LRRFIP1: variants seen among roughly 807,000 people sequenced by gnomAD.
LRRFIP1 encodes LRR binding FLII interacting protein 1, also known as leucine-rich repeat flightless-interacting protein 1.
Under a neutral mutation model 104.4 loss-of-function variants are expected in LRRFIP1, and 62 were observed. The observed-to-expected ratio is 0.59, with a 90% CI of 0.48 to 0.73. The LOEUF (loss-of-function observed/expected upper bound fraction) is 0.73, where lower values mean the gene tolerates loss of function less well. LRRFIP1 is among the 30% of genes least tolerant of loss of function. The pLI, the probability that LRRFIP1 is intolerant of heterozygous loss-of-function variation, is 0.00. For synonymous variants in LRRFIP1, 300 were observed against 299.0 expected, an observed-to-expected ratio of 1.00 and a Z score of -0.03; for missense variants, 796 against 824.5, an observed-to-expected ratio of 0.97 and a Z score of 0.42.
At chr2:237,765,700 A>AT (rs1553709280) in intron 19 of LRRFIP1, 17 of 938,218 alleles carry the variant, frequency 1.8e-5, no homozygotes, top group Non-Finnish European at 2.2e-5. Context: ...ATATAAAAAA[A>AT]TTTTTTAAAA....
At chr2:237,657,896 G>A (rs1354025030) in intron 1 of LRRFIP1, among the ~76,000 whole-genome samples, 2 of 152,148 alleles carry the variant, frequency 1.3e-5, no homozygotes, top group Non-Finnish European at 1.5e-5. Flanking sequence ...TAAATTAGAA[G>A]CTCGGTGATA....
chr2:237,757,145 T>C (rs2059354185), intron 16 of LRRFIP1, among the ~76,000 whole-genome samples: 2 of 152,234 alleles, frequency 1.3e-5, no homozygotes, highest in Admixed American at 6.5e-5. Context: ...CTGCTGAATT[T>C]ATGACGATTC....
chr2:237,628,299 A>T (rs921118242), intron 1 of LRRFIP1, among the ~76,000 whole-genome samples: 1 of 152,244 alleles, frequency 6.6e-6, no homozygotes, highest in African/African-American at 2.4e-5. Context: ...CTGAGCCTGG[A>T]AACGGGTCCA....
Position 237,714,345 on chromosome 2 carries a change from T to G in LRRFIP1, c.201+69T>G, listed in dbSNP as rs1363380309. On this transcript the variant is annotated intron_variant, in intron 3 of 23. Transcript: ENST00000308482. ...TTTCCTTGCCAAGGGCCTGGTCACC[T>G]TTCAGAAATAACACCTTGCACTGAA... 1.0e-5 allele frequency: 13 copies of G among 1,275,294 alleles called. No individual in the cohort carries two copies. The East Asian group carries it at 3.0e-4, about 30-fold the overall frequency. 79.0% of individuals were successfully genotyped at this position (1,275,294 alleles called of 1,614,324 possible).
At chr2:237,778,023 T>G (rs183648980) in intron 23 of LRRFIP1, among the ~76,000 whole-genome samples, 1 of 152,324 alleles carries the variant, frequency 6.6e-6, no homozygotes, top group East Asian at 1.9e-4. Flanking sequence ...GTATTCTTAT[T>G]CTTTAAATAT....
intron 1 of LRRFIP1, among the ~76,000 whole-genome samples, chr2:237,682,556 C>T (rs1241689520): frequency 1.3e-5 from 2 of 152,220 alleles, no homozygotes; most frequent in African/African-American, 4.8e-5. Context: ...TGGATTGGGC[C>T]TTCCCAGAGG....
At position 237,735,426 on chromosome 2, in the gene LRRFIP1, G is replaced by A; in HGVS notation, c.555+93G>A. 1 of 1,222,226 alleles carries A rather than the reference G, an allele frequency of 8.2e-7. No homozygotes were observed. Among genetic ancestry groups the A allele is most frequent in the Non-Finnish European group, 1.1e-6 (1 of 887,260 alleles). 75.7% of individuals were successfully genotyped at this position (1,222,226 alleles called of 1,614,324 possible). On this transcript the variant is annotated intron_variant, in intron 10 of 23. Transcript: ENST00000308482. The surrounding 1 kb of genome is among the most constrained non-coding windows in gnomAD (Gnocchi z 4.6). ...CAGGGTCCAGCCGTGGGGGGTGACT[G>A]GCCATTCTCAGGAGGAAGCGCCGAG...
intron 1 of LRRFIP1, among the ~76,000 whole-genome samples, chr2:237,665,388 G>T (rs560063688): frequency 6.6e-6 from 1 of 152,168 alleles, no homozygotes; most frequent in Non-Finnish European, 1.5e-5. Context: ...TGTGAAACAG[G>T]TATCTCAATT....
chr2:237,773,089 T>C, intron 22 of LRRFIP1, 144 bp downstream of exon 22: 1 of 643,836 alleles, frequency 1.6e-6, no homozygotes, highest in Non-Finnish European at 2.7e-6. Context: ...AGACAGCAAG[T>C]CTTTCCATCC....
At position 237,751,222 on chromosome 2, in the gene LRRFIP1, A is replaced by G. The variant is rs772251056; in HGVS notation, c.818A>G (p.Gln273Arg). 6.2e-7 allele frequency: 1 copy of G among 1,610,450 alleles called. No individual in the cohort carries two copies. The highest frequency in any genetic ancestry group is 1.7e-5 in the Admixed American group (1 of 59,676). The change falls in exon 14 of 24, where the codon CAG (glutamine) becomes CGG (arginine). Residue 273 changes from glutamine (Q) to arginine (R), a missense_variant. Physicochemically the swap from Gln to Arg is conservative, Grantham distance 43 (BLOSUM62 1). Transcript: ENST00000308482. ...CAGGAACTCAATGAGTTAAAGGACC[A>G]GATTCAGGATGTAGAAGGCAAATAC... is the stretch of plus-strand genomic sequence containing the variant. The part of the protein sequence containing the change: ...EIKELNELKD[Q>R]IQDVEGKYMQ...
chr2:237,682,187 G>C (rs2091916013), intron 1 of LRRFIP1, among the ~76,000 whole-genome samples: 1 of 152,156 alleles, frequency 6.6e-6, no homozygotes. Context: ...AGAGCCCCTT[G>C]TTTTGCGGGA....
At chr2:237,641,188 C>T (rs2083902736) in intron 1 of LRRFIP1, among the ~76,000 whole-genome samples, 1 of 148,072 alleles carries the variant, frequency 6.8e-6, no homozygotes, top group African/African-American at 2.5e-5. Flanking sequence ...ACAGCCTGGG[C>T]AACATAACAA....
chr2:237,739,119 A>C, intron 10 of LRRFIP1, 113 bp from the exon 11 acceptor site: 1 of 878,816 alleles, frequency 1.1e-6, no homozygotes, highest in Non-Finnish European at 1.8e-6. Flanking sequence ...GTGCGTGGCT[A>C]ACCTCACCAC....
intron 1 of LRRFIP1, among the ~76,000 whole-genome samples, chr2:237,646,542 C>G (rs980701327): frequency 6.6e-6 from 1 of 151,982 alleles, no homozygotes; most frequent in Non-Finnish European, 1.5e-5. Flanking sequence ...TTTGCCCCCA[C>G]AAGCCCGCAT....
At chr2:237,720,911 A>G (rs1363983479) in intron 6 of LRRFIP1, 89 bp downstream of exon 6, 5 of 1,171,294 alleles carry the variant, frequency 4.3e-6, no homozygotes, top group East Asian at 4.7e-5. Context: ...TTTCTTCTTC[A>G]TTATCCCCGT....
chr2:237,666,923 T>G (rs776743298), intron 1 of LRRFIP1, among the ~76,000 whole-genome samples: 2 of 12,508 alleles, frequency 1.6e-4, no homozygotes, highest in Non-Finnish European at 6.0e-4. Context: ...CTGCTTTCTT[T>G]CTTTCTTTCT....
At position 237,751,288 on chromosome 2, in the gene LRRFIP1, G is replaced by T. The variant is rs192705285; in HGVS notation, c.867+17G>T. 240 of 1,583,054 alleles carry T rather than the reference G, an allele frequency of 1.5e-4. No homozygotes were observed. Among genetic ancestry groups the T allele is most frequent in the Admixed American group, 3.2e-4 (18 of 56,442 alleles). On this transcript the variant is annotated intron_variant, in intron 14 of 23. Transcript: ENST00000308482. ...GAGATGAAGGTACCAATTCACAGAC[G>T]TGTGGTCTCACGATATTAACCCAAC... is the stretch of plus-strand genomic sequence containing the variant.
intron 7 of LRRFIP1, among the ~76,000 whole-genome samples, chr2:237,726,683 G>C (rs2094765137): frequency 6.6e-6 from 1 of 152,176 alleles, no homozygotes; most frequent in South Asian, 2.1e-4. Flanking sequence ...TCATGCCCAG[G>C]ACCTGATGGC....
At chr2:237,700,724 C>G (rs2093471568) in intron 1 of LRRFIP1, among the ~76,000 whole-genome samples, 1 of 152,208 alleles carries the variant, frequency 6.6e-6, no homozygotes, top group Admixed American at 6.5e-5. Context: ...TATGCGCTAA[C>G]AGGCTCCTGG....
Sources: gnomAD v4.1 joint callset for allele counts (sites outside exome capture counted in the v4.1 genomes callset) on GRCh38, gnomAD v4.1.1 for gene constraint, Gnocchi (gnomAD v3.1) non-coding constraint, MANE v1.5 for transcripts, NCBI Gene and HGNC (gene_info 2026-07-23, HGNC 2026-07-21) for gene names.